Variants in ZBED4 observed in about 807,000 individuals in gnomAD.
ZBED4 encodes the protein zinc finger BED-type containing 4.
A neutral mutation model predicts 15.5 loss-of-function variants in ZBED4; 4 were observed. That is an observed-to-expected ratio of 0.26 (90% CI 0.13 to 0.59). The LOEUF is 0.59. Among genes scored for constraint, ZBED4 ranks in the 20% least tolerant of loss-of-function variants. ZBED4 has a pLI of 0.90. For synonymous variants in ZBED4, 692 were observed against 608.5 expected, an observed-to-expected ratio of 1.14 and a Z score of -2.02; for missense variants, 1,323 against 1,461.8, an observed-to-expected ratio of 0.91 and a Z score of 1.55.
Position 49,863,497 on chromosome 22 carries a change from A to G in ZBED4, c.-330+9508A>G, listed in dbSNP as rs530188973. ...CAAAAATTAGCTGGGCGTGGTGGCGAGTGCCTGTAATCCCAGCTGCTCAGG... is the reference window on the plus strand; with the variant it reads ...CAAAAATTAGCTGGGCGTGGTGGCGGGTGCCTGTAATCCCAGCTGCTCAGG... On this transcript the variant is annotated intron_variant, in intron 1 of 1. Transcript: ENST00000216268. 5.3e-5 allele frequency among the ~76,000 whole-genome samples: 8 copies of G among 152,182 alleles called. No homozygotes were observed. The South Asian group carries it at 1.7e-3, about 32-fold the overall frequency.
chr22:49,870,507 A>G (rs2060341557), intron 1 of ZBED4, among the ~76,000 whole-genome samples: 1 of 152,012 alleles, frequency 6.6e-6, no homozygotes, highest in Non-Finnish European at 1.5e-5. Context: ...TCTTTTTTTA[A>G]TAAAAGCCAT....
upstream of ZBED4, chr22:49,853,167 A>T (rs1473265451): frequency 1.3e-5 from 2 of 152,410 alleles, no homozygotes; most frequent in East Asian, 3.9e-4. Flanking sequence ...TTGTGTTAGG[A>T]AATAACACAT....
At chr22:49,877,657 GATAA>G (rs2060384609) in intron 1 of ZBED4, among the ~76,000 whole-genome samples, 1 of 152,176 alleles carries the variant, frequency 6.6e-6, no homozygotes, top group Non-Finnish European at 1.5e-5. Context: ...TGCATAATCT[GATAA>G]ATATATATCC....
intron 1 of ZBED4, among the ~76,000 whole-genome samples, chr22:49,866,621 A>T (rs190660705): frequency 1.3e-5 from 2 of 152,268 alleles, no homozygotes; most frequent in East Asian, 3.9e-4. Flanking sequence ...AGAGGAAGTT[A>T]CCGTTTTCAT....
intron 1 of ZBED4, among the ~76,000 whole-genome samples, chr22:49,869,343 T>A (rs952953600): frequency 6.6e-6 from 1 of 152,208 alleles, no homozygotes; most frequent in African/African-American, 2.4e-5. Context: ...GCCTACCTCG[T>A]ACCCGCGTGG....
At chr22:49,862,785 T>G (rs1378570487) in intron 1 of ZBED4, among the ~76,000 whole-genome samples, 1 of 138,610 alleles carries the variant, frequency 7.2e-6, no homozygotes, top group Non-Finnish European at 1.5e-5. Flanking sequence ...CACTGCAACC[T>G]CTGCCTCTTG....
At chr22:49,865,600 G>A (rs533186634) in intron 1 of ZBED4, among the ~76,000 whole-genome samples, 16 of 152,150 alleles carry the variant, frequency 1.1e-4, no homozygotes, top group South Asian at 4.2e-4. Context: ...GCTTAAACCC[G>A]GGAGGCAGAG....
rs774424631 is a variant in ZBED4, at chr22:49,884,474, C to T, written c.812C>T (p.Ala271Val). The change falls in exon 2 of 2, where the codon GCG becomes GTG. Residue 271 changes from alanine to valine, a missense_variant. Ala to Val is a moderately conservative substitution (Grantham distance 64). Coordinates refer to ENST00000216268, the MANE Select transcript of ZBED4 (RefSeq NM_014838.3). ...TACGATGAACCTGCAGAGAACTTAG[C>T]GGAGAAGAGCCTTCCACTTCCAAAG... ...LHYDEPAENL[A>V]EKSLPLPKST... The T allele has an allele frequency of 1.2e-5, 19 of 1,614,082 alleles. No individual in the cohort carries two copies. The East Asian group carries it at 1.6e-4, about 13-fold the overall frequency.
rs996161729 is a variant in ZBED4, at chr22:49,888,237, C to T, written c.*1059C>T. 1 of 166,920 alleles carries T rather than the reference C, an allele frequency of 6.0e-6. No homozygotes were observed. Among genetic ancestry groups the T allele is most frequent in the Non-Finnish European group, 1.5e-5 (1 of 68,100 alleles). 10.3% of individuals were successfully genotyped at this position (166,920 alleles called of 1,614,324 possible). ...CAGATGATTTTAAAAGTTATGTCTT[C>T]AGAGAAAAAAAGATTCATTTTCTCA... On this transcript the variant is annotated 3_prime_UTR_variant, in exon 2 of 2. Coordinates refer to ENST00000216268, the MANE Select transcript of ZBED4 (RefSeq NM_014838.3).
intron 1 of ZBED4, among the ~76,000 whole-genome samples, chr22:49,880,867 A>G (rs536112028): frequency 7.2e-5 from 11 of 152,292 alleles, no homozygotes; most frequent in African/African-American, 2.6e-4. Flanking sequence ...TGAACTTGGT[A>G]TATTTCTCCA....
chr22:49,883,649 A>C lies in ZBED4; in HGVS notation c.-14A>C, dbSNP rs932390902. The C allele has an allele frequency of 3.9e-6, 6 of 1,539,180 alleles. No homozygotes were observed. In the African/African-American group the frequency reaches 8.2e-5, roughly 21 times the overall value. On this transcript the variant is annotated 5_prime_UTR_variant, in exon 2 of 2. Transcript: ENST00000216268. ...TATGAACCTAAGATACAGCCGGAGT[A>C]GTTATGGTCAGTCATGGAGAATAAC... is the stretch of plus-strand genomic sequence containing the variant.
chr22:49,870,866 C>T (rs933347293), intron 1 of ZBED4, among the ~76,000 whole-genome samples: 2 of 152,018 alleles, frequency 1.3e-5, no homozygotes, highest in Non-Finnish European at 2.9e-5. Flanking sequence ...TGTTACAATC[C>T]ACTCAATTAT....
rs1174726452 is a variant in ZBED4, at chr22:49,871,766, T to A, written c.-329-11568T>A. 3.1e-4 allele frequency among the ~76,000 whole-genome samples: 47 copies of A among 151,212 alleles called. 1 individual carries two copies. Among genetic ancestry groups the A allele is most frequent in the African/African-American group, 1.1e-3 (44 of 41,352 alleles). ...ATTTATTTATTTATTTATTTTTTTT[T>A]TTTTTTGAGACAGAGTCTTACTCTG... On this transcript the variant is annotated intron_variant, in intron 1 of 1. Coordinates refer to ENST00000216268, the MANE Select transcript of ZBED4 (RefSeq NM_014838.3).
intron 1 of ZBED4, among the ~76,000 whole-genome samples, chr22:49,871,753 A>ATTTTT (rs761012447): frequency 4.3e-5 from 2 of 46,734 alleles, no homozygotes; most frequent in South Asian, 1.3e-3. Flanking sequence ...TTATTTATTT[A>ATTTTT]TTTATTTTTT....
chr22:49,886,344 T>G lies in ZBED4; in HGVS notation c.2682T>G (p.Thr894=), dbSNP rs922930292. Residue 894 remains threonine, a synonymous_variant, in exon 2 of 2, where the codon ACT becomes ACG. Transcript: ENST00000216268. This position sits in a 1 kb window ranked among gnomAD's most constrained non-coding sequence, Gnocchi z 7.7. ...LIQDVPSKWS[T]SFHMLERLIE... ...AGGACGTCCCGTCCAAGTGGAGCAC[T>G]TCCTTCCACATGCTCGAGCGGCTCA... 6 of 1,606,388 alleles carry G rather than the reference T, an allele frequency of 3.7e-6. No individual in the cohort carries two copies. The highest frequency in any genetic ancestry group is 5.1e-6 in the Non-Finnish European group (6 of 1,174,284).
chr22:49,872,808 G>T (rs982560618), intron 1 of ZBED4, among the ~76,000 whole-genome samples: 1 of 151,610 alleles, frequency 6.6e-6, no homozygotes, highest in South Asian at 2.1e-4. Flanking sequence ...AGGTTCAAGC[G>T]AATTCTCCTG....
In ZBED4 at chr22:49,887,992, G is replaced by A. The variant is rs1027851966; in HGVS notation, c.*814G>A. On this transcript the variant is annotated 3_prime_UTR_variant, in exon 2 of 2. Transcript: ENST00000216268. ...CACGCCTCCGCTTCAGCATCTCCAC[G>A]CTCTGAAGCTGTCTTTCAAAATGTG... The A allele has an allele frequency of 3.6e-5, 6 of 167,224 alleles. No individual in the cohort carries two copies. The highest frequency in any genetic ancestry group is 1.4e-4 in the African/African-American group (6 of 41,460). The allele number at this position is 167,224 out of a possible 1,614,324, so 10.4% of individuals were successfully genotyped here.
chr22:49,855,302 C>G (rs2060270367), intron 1 of ZBED4, among the ~76,000 whole-genome samples: 1 of 152,124 alleles, frequency 6.6e-6, no homozygotes, highest in Admixed American at 6.6e-5. Context: ...TGGAAAGAAA[C>G]CTAAGACTTT....
intron 1 of ZBED4, among the ~76,000 whole-genome samples, chr22:49,856,541 G>A (rs1445771727): frequency 6.6e-6 from 1 of 152,240 alleles, no homozygotes; most frequent in African/African-American, 2.4e-5. Context: ...CTCCTGCCCG[G>A]CCCAAGCGCC....
Sources: gnomAD v4.1 joint callset for allele counts (sites outside exome capture counted in the v4.1 genomes callset) on GRCh38, gnomAD v4.1.1 for gene constraint, Gnocchi (gnomAD v3.1) non-coding constraint, MANE v1.5 for transcripts, NCBI Gene and HGNC (gene_info 2026-07-23, HGNC 2026-07-21) for gene names.